Variants in UST observed in about 807,000 individuals in gnomAD.
UST encodes the protein chondroitin sulfate 2-O-sulfotransferase.
In UST, 21 loss-of-function variants were observed where a neutral mutation model predicts 45.6. The observed-to-expected ratio is 0.46, with a 90% CI of 0.33 to 0.66. The LOEUF (loss-of-function observed/expected upper bound fraction) is 0.66, where lower values mean the gene tolerates loss of function less well. UST is among the 30% of genes least tolerant of loss of function. UST has a pLI of 0.02. For missense variants in UST, 463 were observed against 512.4 expected, an observed-to-expected ratio of 0.90 and a Z score of 0.93; for synonymous variants, 215 against 200.6, an observed-to-expected ratio of 1.07 and a Z score of -0.61.
chr6:148,799,322 C>T (rs547599053), intron 1 of UST, among the ~76,000 whole-genome samples: 30 of 152,182 alleles, frequency 2.0e-4, no homozygotes, highest in Non-Finnish European at 3.7e-4. Flanking sequence ...TATTTGCTTA[C>T]AAGTTGTTAT....
chr6:149,065,557 T>TAGGGAGTA (rs1281819420), intron 7 of UST, among the ~76,000 whole-genome samples: 1 of 152,158 alleles, frequency 6.6e-6, no homozygotes, highest in Non-Finnish European at 1.5e-5. Flanking sequence ...TACTTAAAGT[T>TAGGGAGTA]AGGGAAAAAT....
chr6:148,825,534 A>G (rs1777554036), intron 1 of UST, among the ~76,000 whole-genome samples: 1 of 152,232 alleles, frequency 6.6e-6, no homozygotes, highest in Admixed American at 6.5e-5. Context: ...TATTGTCTGT[A>G]CTTTCCTGAG....
chr6:148,797,449 AC>A (rs1330355804), intron 1 of UST, among the ~76,000 whole-genome samples: 3 of 152,212 alleles, frequency 2.0e-5, no homozygotes, highest in Admixed American at 6.5e-5. Flanking sequence ...GTGTCAAAAA[AC>A]ATTCCTAATA....
chr6:148,772,718 C>G (rs904440623), intron 1 of UST, among the ~76,000 whole-genome samples: 4 of 152,006 alleles, frequency 2.6e-5, no homozygotes, highest in Admixed American at 2.0e-4. Flanking sequence ...CCACCGTGTC[C>G]AGCCCCTTCT....
chr6:148,851,292 T>C (rs1314187438), intron 1 of UST, among the ~76,000 whole-genome samples: 1 of 151,528 alleles, frequency 6.6e-6, no homozygotes, highest in East Asian at 1.9e-4. Context: ...CACACATATA[T>C]ATACGTACAC....
At chr6:148,914,697 C>T (rs1050508519) in intron 2 of UST, among the ~76,000 whole-genome samples, 2 of 152,112 alleles carry the variant, frequency 1.3e-5, no homozygotes, top group South Asian at 2.1e-4. Context: ...CTCACTCGCC[C>T]GCCCACCACT....
chr6:148,947,155 A>G (rs562568720), intron 3 of UST, among the ~76,000 whole-genome samples: 2 of 152,170 alleles, frequency 1.3e-5, no homozygotes, highest in South Asian at 4.2e-4. Context: ...CGGAGTTGGA[A>G]CTTTCTTCTG....
At chr6:148,999,118 T>C (rs897300409) in intron 5 of UST, among the ~76,000 whole-genome samples, 2 of 152,264 alleles carry the variant, frequency 1.3e-5, no homozygotes, top group Admixed American at 6.5e-5. Context: ...AGAAAAAGTA[T>C]CAACAATGAT....
intron 1 of UST, among the ~76,000 whole-genome samples, chr6:148,754,215 C>G (rs1386483265): frequency 6.6e-6 from 1 of 152,040 alleles, no homozygotes; most frequent in African/African-American, 2.4e-5. Flanking sequence ...CCAGGATGGT[C>G]TCGATCTCCT....
At chr6:149,005,531 G>A (rs1262099470) in intron 5 of UST, 1 of 985,258 alleles carries the variant, frequency 1.0e-6, no homozygotes, top group African/African-American at 1.7e-5. Flanking sequence ...AAAGTCTCCA[G>A]TGTACTTTTC....
intron 1 of UST, among the ~76,000 whole-genome samples, chr6:148,791,105 C>T (rs567208001): frequency 1.3e-5 from 2 of 152,338 alleles, no homozygotes; most frequent in South Asian, 4.1e-4. Context: ...CAGTGGTTCT[C>T]AACAGAGGTG....
rs150772139 is a variant in UST, at chr6:148,765,510, G to A, written c.247+17833G>A. ...TTCTAATTCTGTGAAAAATGACATCGGTAATTTTCAAACACACATGCTCTA... is the reference window on the plus strand; with the variant it reads ...TTCTAATTCTGTGAAAAATGACATCAGTAATTTTCAAACACACATGCTCTA... On this transcript the variant is annotated intron_variant, in intron 1 of 7. Transcript: ENST00000367463. Among the ~76,000 whole-genome samples, 340 of 152,174 alleles carry A rather than the reference G, an allele frequency of 2.2e-3. 2 individuals are homozygous for A. Among genetic ancestry groups the A allele is most frequent in the Middle Eastern group, 6.8e-3 (2 of 294 alleles).
chr6:149,025,656 ATAAT>A (rs1404553844), intron 7 of UST, among the ~76,000 whole-genome samples: 1 of 152,184 alleles, frequency 6.6e-6, no homozygotes, highest in African/African-American at 2.4e-5. Flanking sequence ...CATCTTATAC[ATAAT>A]TATTTTTTAT....
chr6:149,067,517 A>G (rs1212485483), intron 7 of UST, among the ~76,000 whole-genome samples: 1 of 152,190 alleles, frequency 6.6e-6, no homozygotes, highest in Non-Finnish European at 1.5e-5. Context: ...TTGTCTTAAA[A>G]GTCTGTCCTC....
chr6:149,062,864 G>A (rs1252584420), intron 7 of UST, among the ~76,000 whole-genome samples: 1 of 152,256 alleles, frequency 6.6e-6, no homozygotes, highest in Non-Finnish European at 1.5e-5. Flanking sequence ...GAGGGGCGAT[G>A]TGAAAGCGCA....
At chr6:148,767,786 T>G (rs1562561712) in intron 1 of UST, among the ~76,000 whole-genome samples, 1 of 152,348 alleles carries the variant, frequency 6.6e-6, no homozygotes, top group Non-Finnish European at 1.5e-5. Context: ...TCACAACTGC[T>G]TTGGTTACAT....
intron 1 of UST, among the ~76,000 whole-genome samples, chr6:148,820,189 T>C (rs1777430000): frequency 6.6e-6 from 1 of 152,216 alleles, no homozygotes; most frequent in South Asian, 2.1e-4. Context: ...TTAAATATAC[T>C]TATTCAGAAA....
intron 1 of UST, among the ~76,000 whole-genome samples, chr6:148,886,775 T>C (rs1778919889): frequency 6.6e-6 from 1 of 152,186 alleles, no homozygotes; most frequent in Non-Finnish European, 1.5e-5. Context: ...TAACCATGTA[T>C]GTAGAATGTT....
At chr6:148,914,581 C>T (rs1174464936) in intron 2 of UST, among the ~76,000 whole-genome samples, 2 of 152,154 alleles carry the variant, frequency 1.3e-5, no homozygotes, top group Non-Finnish European at 2.9e-5. Flanking sequence ...TCCCAAAATT[C>T]GTATACCAGA....
Sources: allele counts gnomAD v4.1 joint callset (sites outside exome capture counted in the v4.1 genomes callset), GRCh38; gene constraint gnomAD v4.1.1; transcripts MANE v1.5; gene names NCBI Gene and HGNC (gene_info 2026-07-23, HGNC 2026-07-21).